The following LRP1B variants were observed in gnomAD, a reference collection of about 807,000 sequenced individuals.
LRP1B encodes the protein low-density lipoprotein receptor-related protein 1B.
A neutral mutation model predicts 556.6 loss-of-function variants in LRP1B; 217 were observed. The ratio of observed to expected loss-of-function variants is 0.39; its 90% CI spans 0.35 to 0.44. LRP1B has a LOEUF of 0.44. LRP1B is among the 20% of genes least tolerant of loss of function. LRP1B has a pLI of 1.00. For missense variants in LRP1B, 5,053 were observed against 5,620.8 expected (o/e 0.90, Z 3.23); for synonymous variants, 2,047 against 1,865.8 (o/e 1.10, Z -2.50).
chr2:142,108,969 T>C (rs530654380), intron 1 of LRP1B, among the ~76,000 whole-genome samples: 8 of 152,170 alleles, frequency 5.3e-5, no homozygotes, highest in Non-Finnish European at 8.8e-5. Flanking sequence ...CACTTGTATA[T>C]TTTGCCCAAC....
In LRP1B at chr2:141,061,929, T is replaced by C. The variant is rs183307031; in HGVS notation, c.1236+122A>G. On this transcript the variant is annotated intron_variant, in intron 8 of 90. Transcript: ENST00000389484. Reference sequence around the variant, plus strand: ...AGAACATTCTCCAATATAGGAAATATACTGTAATTTTTATGACTCATTGCA... The same window carrying C: ...AGAACATTCTCCAATATAGGAAATACACTGTAATTTTTATGACTCATTGCA... 4 of 731,916 alleles carry C rather than the reference T, an allele frequency of 5.5e-6. No individual in the cohort carries two copies. The East Asian group carries it at 7.9e-5, about 15-fold the overall frequency. 45.3% of individuals were successfully genotyped at this position (731,916 alleles called of 1,614,324 possible). A position where few individuals can be genotyped will look rare whatever the true frequency, so the allele number is the denominator to read the frequency against.
At chr2:141,394,954 A>C (rs560817747) in intron 3 of LRP1B, among the ~76,000 whole-genome samples, 1 of 152,194 alleles carries the variant, frequency 6.6e-6, no homozygotes, top group South Asian at 2.1e-4. Context: ...GGAAAGAGAA[A>C]CTGTTCTTTC....
chr2:140,745,953 G>A (rs997356226), intron 35 of LRP1B, among the ~76,000 whole-genome samples: 2 of 152,152 alleles, frequency 1.3e-5, no homozygotes, highest in Non-Finnish European at 2.9e-5. Context: ...AGGAGATTGT[G>A]ATATGCATTC....
intron 2 of LRP1B, among the ~76,000 whole-genome samples, chr2:141,762,292 T>C (rs866306953): frequency 3.3e-5 from 5 of 151,798 alleles, no homozygotes; most frequent in African/African-American, 1.2e-4. Context: ...GAATGATGCA[T>C]AATGGATGAT....
intron 1 of LRP1B, among the ~76,000 whole-genome samples, chr2:142,073,006 A>G (rs1344092223): frequency 1.3e-5 from 2 of 152,054 alleles, no homozygotes; most frequent in African/African-American, 4.8e-5. Context: ...CAATGCAGAT[A>G]AGGATAATGT....
chr2:141,795,895 TATATA>T (rs1695795381), intron 2 of LRP1B, among the ~76,000 whole-genome samples: 2 of 77,320 alleles, frequency 2.6e-5, no homozygotes, highest in African/African-American at 9.3e-5. Flanking sequence ...TATATATATA[TATATA>T]ATCTTTAAGC....
In LRP1B at chr2:141,935,080, A is replaced by G. The variant is rs1040396840; in HGVS notation, c.83-124679T>C. The stretch of plus-strand genomic sequence containing the variant: ...TCTATAAAAAATGACAGTAAGACAG[A>G]CAGTAATTTCTCCATTGTAAAAATA... On this transcript the variant is annotated intron_variant, in intron 1 of 90. Transcript: ENST00000389484. Among the ~76,000 whole-genome samples, 5 of 152,258 alleles carry G rather than the reference A, an allele frequency of 3.3e-5. No homozygotes were observed. The East Asian group carries it at 9.7e-4, about 29-fold the overall frequency.
chr2:141,536,893 T>A (rs1301801627), intron 2 of LRP1B, among the ~76,000 whole-genome samples: 3 of 151,988 alleles, frequency 2.0e-5, no homozygotes, highest in Admixed American at 2.0e-4. Context: ...ACCAGGAAAT[T>A]AAACTGTCAG....
intron 6 of LRP1B, among the ~76,000 whole-genome samples, chr2:141,202,789 G>A (rs147177028): frequency 4.6e-5 from 7 of 151,736 alleles, no homozygotes; most frequent in African/African-American, 1.5e-4. Flanking sequence ...TATGCAGAAC[G>A]TGCAGTTTTA....
chr2:141,211,959 A>G (rs189649986), intron 6 of LRP1B, among the ~76,000 whole-genome samples: 1 of 152,240 alleles, frequency 6.6e-6, no homozygotes, highest in African/African-American at 2.4e-5. Flanking sequence ...CAAACACAAG[A>G]CTATGACTCA....
At chr2:140,807,986 G>C (rs1038799458) in intron 32 of LRP1B, among the ~76,000 whole-genome samples, 1 of 152,164 alleles carries the variant, frequency 6.6e-6, no homozygotes, top group Non-Finnish European at 1.5e-5. Context: ...CAGCTACTGG[G>C]GAGGCTGAGG....
chr2:141,928,040 T>C (rs968755356), intron 1 of LRP1B, among the ~76,000 whole-genome samples: 2 of 152,130 alleles, frequency 1.3e-5, no homozygotes, highest in Non-Finnish European at 2.9e-5. Flanking sequence ...CAGCTGTCTA[T>C]GTTCAGCTCA....
chr2:141,985,858 T>C (rs1417774224), intron 1 of LRP1B, among the ~76,000 whole-genome samples: 2 of 151,978 alleles, frequency 1.3e-5, no homozygotes, highest in Admixed American at 6.6e-5. Flanking sequence ...CCCAAAATGA[T>C]TTGCAACTCT....
chr2:140,745,105 G>A (rs10496853), intron 35 of LRP1B, among the ~76,000 whole-genome samples: 6,734 of 152,194 alleles, frequency 0.044, 229 homozygotes, highest in South Asian at 0.096. Flanking sequence ...CATGTCATAG[G>A]TTGCTCACTT....
intron 27 of LRP1B, among the ~76,000 whole-genome samples, chr2:140,866,846 C>T (rs898651012): frequency 6.6e-6 from 1 of 151,704 alleles, no homozygotes; most frequent in African/African-American, 2.4e-5. Context: ...GCCCTACATG[C>T]CAATGAGTTA....
intron 3 of LRP1B, among the ~76,000 whole-genome samples, chr2:141,288,071 A>T (rs1685788994): frequency 6.6e-6 from 1 of 152,128 alleles, no homozygotes; most frequent in African/African-American, 2.4e-5. Context: ...CATACTATCT[A>T]CTATCCCAAC....
intron 10 of LRP1B, among the ~76,000 whole-genome samples, chr2:141,049,836 G>C (rs560846035): frequency 6.6e-6 from 1 of 152,096 alleles, no homozygotes; most frequent in East Asian, 1.9e-4. Flanking sequence ...GGCTGATGCT[G>C]TCTGACAGTA....
chr2:141,713,953 T>G (rs78851104), intron 2 of LRP1B, among the ~76,000 whole-genome samples: 13,727 of 152,182 alleles, frequency 0.09, 1,156 homozygotes, highest in African/African-American at 0.21. Context: ...ATGTATTCAG[T>G]AATAGTGATT....
chr2:141,618,997 A>G (rs1441031694), intron 2 of LRP1B, among the ~76,000 whole-genome samples: 1 of 152,216 alleles, frequency 6.6e-6, no homozygotes, highest in African/African-American at 2.4e-5. Context: ...TTTATAGGGA[A>G]GTTTCAAGGA....
Sources: gnomAD v4.1 joint callset for allele counts (sites outside exome capture counted in the v4.1 genomes callset) on GRCh38, gnomAD v4.1.1 for gene constraint, MANE v1.5 for transcripts, NCBI Gene and HGNC (gene_info 2026-07-23, HGNC 2026-07-21) for gene names.